Variants in C8orf34 observed in about 807,000 individuals in gnomAD.
The protein encoded by C8orf34 is uncharacterized protein C8orf34.
In C8orf34, 65 loss-of-function variants were observed where a neutral mutation model predicts 68.3. The observed-to-expected ratio is 0.95, with a 90% CI of 0.78 to 1.17. C8orf34 has a LOEUF of 1.17. Ranked by LOEUF, C8orf34 falls within the 50% of genes most tolerant of loss-of-function variation. C8orf34 has a pLI of 0.00. For synonymous variants in C8orf34, 244 were observed against 241.2 expected, an observed-to-expected ratio of 1.01 and a Z score of -0.11; for missense variants, 664 against 655.4, an observed-to-expected ratio of 1.01 and a Z score of -0.14.
chr8:68,398,434 A>G (rs771215968), intron 1 of C8orf34, among the ~76,000 whole-genome samples: 1 of 152,180 alleles, frequency 6.6e-6, no homozygotes, highest in Non-Finnish European at 1.5e-5. Context: ...TGAAACAGTT[A>G]TCAGGGACAA....
Position 68,345,694 on chromosome 8 carries a change from T to C in C8orf34, c.327+14355T>C, listed in dbSNP as rs151331514. 1.2e-3 allele frequency among the ~76,000 whole-genome samples: 186 copies of C among 152,042 alleles called. 2 individuals carry two copies. The highest frequency in any genetic ancestry group is 4.4e-3 in the African/African-American group (183 of 41,512). The stretch of plus-strand genomic sequence containing the variant: ...AAGCTTGATTATACATACATACATA[T>C]ATATACATATATACATACATGTGTG... On this transcript the variant is annotated intron_variant, in intron 1 of 13. Transcript: ENST00000518698.
chr8:68,594,400 T>A (rs1359144236), intron 7 of C8orf34, among the ~76,000 whole-genome samples: 4 of 152,062 alleles, frequency 2.6e-5, no homozygotes, highest in Admixed American at 2.6e-4. Context: ...CCTCTTACGA[T>A]GTTTTTCTAT....
intron 1 of C8orf34, among the ~76,000 whole-genome samples, chr8:68,423,494 G>T (rs1810072475): frequency 6.6e-6 from 1 of 152,110 alleles, no homozygotes; most frequent in African/African-American, 2.4e-5. Context: ...TTCAACAAGA[G>T]AATCTAGGAA....
intron 1 of C8orf34, among the ~76,000 whole-genome samples, chr8:68,347,723 CT>C (rs1005203665): frequency 3.3e-5 from 5 of 151,246 alleles, no homozygotes; most frequent in East Asian, 3.9e-4. Context: ...TGATGTTGAG[CT>C]TTTTTTTTCA....
chr8:68,798,029 A>G (rs770495436), intron 12 of C8orf34, among the ~76,000 whole-genome samples: 18 of 152,190 alleles, frequency 1.2e-4, no homozygotes, highest in Non-Finnish European at 1.8e-4. Flanking sequence ...CAGCTAGAAA[A>G]ATGAGCTCTT....
chr8:68,690,910 TC>T (rs1585735513), intron 8 of C8orf34, among the ~76,000 whole-genome samples: 2 of 152,188 alleles, frequency 1.3e-5, no homozygotes, highest in East Asian at 3.9e-4. Flanking sequence ...TAGAACTCTC[TC>T]AGTCTCAAAT....
At chr8:68,335,651 A>G (rs1017173404) in intron 1 of C8orf34, among the ~76,000 whole-genome samples, 1 of 152,194 alleles carries the variant, frequency 6.6e-6, no homozygotes, top group African/African-American at 2.4e-5. Flanking sequence ...TTTCTGCCTT[A>G]ATGTATTTTA....
At position 68,748,629 on chromosome 8, in the gene C8orf34, T is replaced by G. The variant is rs188589803; in HGVS notation, c.1404+27192T>G. 5.3e-3 allele frequency among the ~76,000 whole-genome samples: 811 copies of G among 152,054 alleles called. 7 individuals carry two copies. Among genetic ancestry groups the G allele is most frequent in the African/African-American group, 0.018 (733 of 41,452 alleles). Reference sequence around the variant, plus strand: ...GACATTTATGCAGCCAAAAAACACATGAAAAAATGCTCACCATCACTGGCC... The same window carrying G: ...GACATTTATGCAGCCAAAAAACACAGGAAAAAATGCTCACCATCACTGGCC... On this transcript the variant is annotated intron_variant, in intron 10 of 13. Transcript: ENST00000518698.
At chr8:68,692,585 G>GA (rs982072211) in intron 8 of C8orf34, among the ~76,000 whole-genome samples, 2 of 151,882 alleles carry the variant, frequency 1.3e-5, no homozygotes, top group African/African-American at 4.8e-5. Flanking sequence ...GTTTCTAAGG[G>GA]AAAAAAAACT....
At chr8:68,488,800 T>G (rs79330526) in intron 5 of C8orf34, among the ~76,000 whole-genome samples, 1 of 152,166 alleles carries the variant, frequency 6.6e-6, no homozygotes, top group Non-Finnish European at 1.5e-5. Context: ...TGAGAGAGAT[T>G]TGATTTATAA....
intron 5 of C8orf34, among the ~76,000 whole-genome samples, chr8:68,507,805 T>C (rs904274915): frequency 6.6e-6 from 1 of 152,242 alleles, no homozygotes; most frequent in Non-Finnish European, 1.5e-5. Flanking sequence ...AATTTATGGA[T>C]TTCCTTTATA....
chr8:68,484,437 G>A (rs1298763337), intron 4 of C8orf34, among the ~76,000 whole-genome samples: 5 of 152,142 alleles, frequency 3.3e-5, no homozygotes, highest in African/African-American at 1.2e-4. Flanking sequence ...CAAGGACCAT[G>A]TGTTCCAGTG....
chr8:68,640,538 T>C (rs752593909), intron 8 of C8orf34, 27 bp downstream of exon 8: 8 of 1,584,876 alleles, frequency 5.0e-6, no homozygotes, highest in Middle Eastern at 1.7e-4. Context: ...GTATAGTATA[T>C]ATAAACATGA....
At chr8:68,344,388 C>T (rs1806195443) in intron 1 of C8orf34, among the ~76,000 whole-genome samples, 1 of 152,014 alleles carries the variant, frequency 6.6e-6, no homozygotes, top group African/African-American at 2.4e-5. Context: ...TTCTGGGTGT[C>T]AGGGATGGAG....
intron 2 of C8orf34, among the ~76,000 whole-genome samples, chr8:68,445,025 T>C (rs1462539714): frequency 2.0e-5 from 3 of 152,346 alleles, no homozygotes; most frequent in Middle Eastern, 6.8e-3. Context: ...TCTTCCATTC[T>C]CTTTTTGAAT....
At chr8:68,411,275 G>A (rs1487512107) in intron 1 of C8orf34, among the ~76,000 whole-genome samples, 1 of 152,126 alleles carries the variant, frequency 6.6e-6, no homozygotes. Flanking sequence ...TTTCTAAGTA[G>A]TATTTCTGGT....
chr8:68,753,352 A>C (rs1822759629), intron 10 of C8orf34, among the ~76,000 whole-genome samples: 1 of 152,180 alleles, frequency 6.6e-6, no homozygotes, highest in Non-Finnish European at 1.5e-5. Flanking sequence ...GCCTTGTAGA[A>C]AAAAAGTGGA....
intron 7 of C8orf34, among the ~76,000 whole-genome samples, chr8:68,584,349 G>T (rs575168111): frequency 6.6e-6 from 1 of 151,976 alleles, no homozygotes; most frequent in East Asian, 1.9e-4. Flanking sequence ...TAAACAAGGA[G>T]AAATGAATAA....
chr8:68,571,409 G>T (rs558109657), intron 7 of C8orf34, among the ~76,000 whole-genome samples: 1 of 152,316 alleles, frequency 6.6e-6, no homozygotes, highest in East Asian at 1.9e-4. Context: ...CAAAGTTGAA[G>T]ATGACTTGGA....
Sources: gnomAD v4.1 joint callset for allele counts (sites outside exome capture counted in the v4.1 genomes callset) on GRCh38, gnomAD v4.1.1 for gene constraint, MANE v1.5 for transcripts, NCBI Gene and HGNC (gene_info 2026-07-23, HGNC 2026-07-21) for gene names.